Variants in CSMD1 observed in about 807,000 individuals in gnomAD.
CSMD1 encodes CUB and sushi domain-containing protein 1.
CSMD1 carries 213 observed loss-of-function variants against 417.5 expected under a neutral mutation model. The ratio of observed to expected loss-of-function variants is 0.51; its 90% CI spans 0.46 to 0.57. CSMD1 has a LOEUF of 0.57. Ranked by LOEUF, CSMD1 falls within the 20% of genes least tolerant of loss-of-function variation. CSMD1 has a pLI of 0.00. For missense variants in CSMD1, 6,923 were observed against 4,529.7 expected (o/e 1.53, Z -15.17); for synonymous variants, 2,862 against 1,736.8 (o/e 1.65, Z -16.11).
intron 5 of CSMD1, among the ~76,000 whole-genome samples, chr8:3,940,482 T>C (rs1282767296): frequency 8.8e-5 from 13 of 147,546 alleles, no homozygotes; most frequent in Non-Finnish European, 1.9e-4. Flanking sequence ...TTCAGTAAAA[T>C]TTAAATTATT....
At chr8:3,809,161 C>A (rs1177878362) in intron 5 of CSMD1, among the ~76,000 whole-genome samples, 3 of 152,150 alleles carry the variant, frequency 2.0e-5, no homozygotes, top group African/African-American at 4.8e-5. Flanking sequence ...CCAGCCCCCA[C>A]AGACCTCATT....
intron 5 of CSMD1, among the ~76,000 whole-genome samples, chr8:3,813,817 G>C (rs1035976005): frequency 6.6e-6 from 1 of 152,044 alleles, no homozygotes; most frequent in Admixed American, 6.6e-5. Context: ...AAAACTTAAA[G>C]TATGTCTTCT....
intron 1 of CSMD1, among the ~76,000 whole-genome samples, chr8:4,905,750 G>A (rs1334351675): frequency 9.3e-5 from 14 of 150,140 alleles, no homozygotes; most frequent in South Asian, 2.1e-4. Context: ...AAACCGGGAG[G>A]CGGAGCTTGC....
intron 3 of CSMD1, among the ~76,000 whole-genome samples, chr8:4,274,717 C>T (rs184906663): frequency 4.3e-4 from 65 of 152,202 alleles, no homozygotes; most frequent in African/African-American, 1.5e-3. Flanking sequence ...CAACATAATA[C>T]ATAGCATTTC....
chr8:4,211,601 C>G (rs546597080), intron 3 of CSMD1, among the ~76,000 whole-genome samples: 2 of 152,296 alleles, frequency 1.3e-5, no homozygotes, highest in South Asian at 4.1e-4. Flanking sequence ...CAAAAGTCAT[C>G]TCCAAGTTGC....
chr8:3,857,290 G>T (rs971030183), intron 5 of CSMD1, among the ~76,000 whole-genome samples: 2 of 152,100 alleles, frequency 1.3e-5, no homozygotes, highest in African/African-American at 4.8e-5. Context: ...TGGGCCTTTA[G>T]CATTAGGAGG....
At chr8:3,754,312 G>A (rs1017494102) in intron 5 of CSMD1, among the ~76,000 whole-genome samples, 7 of 152,094 alleles carry the variant, frequency 4.6e-5, no homozygotes, top group Non-Finnish European at 7.4e-5. Flanking sequence ...GCAGGAGGAG[G>A]TATTCTTTTG....
At chr8:3,949,566 G>T (rs1279421538) in intron 5 of CSMD1, among the ~76,000 whole-genome samples, 1 of 152,146 alleles carries the variant, frequency 6.6e-6, no homozygotes, top group African/African-American at 2.4e-5. Flanking sequence ...TTATTTTGGG[G>T]TTCTTTTGTG....
chr8:3,079,111 C>G (rs1445146285), intron 49 of CSMD1, among the ~76,000 whole-genome samples: 1 of 152,184 alleles, frequency 6.6e-6, no homozygotes, highest in Non-Finnish European at 1.5e-5. Context: ...AACTGCACTG[C>G]ACAGTACTGT....
chr8:3,095,277 T>C (rs1815219375), intron 47 of CSMD1, among the ~76,000 whole-genome samples: 1 of 152,180 alleles, frequency 6.6e-6, no homozygotes, highest in Non-Finnish European at 1.5e-5. Flanking sequence ...TGAGGTTGGA[T>C]GCTCTACATT....
rs76773841 is a variant in CSMD1, at chr8:4,216,852, C to G, written c.416-184753G>C. ...AAACATGAGGATGGGGTGTCAGACC[C>G]ACACCAGCTTGACAGTCTCCCTTTT... On this transcript the variant is annotated intron_variant, in intron 3 of 69. Coordinates refer to ENST00000635120, the MANE Select transcript of CSMD1 (RefSeq NM_033225.6). 2.6e-3 allele frequency among the ~76,000 whole-genome samples: 391 copies of G among 152,212 alleles called. 3 individuals are homozygous for G. The highest frequency in any genetic ancestry group is 8.8e-3 in the African/African-American group (365 of 41,534).
At chr8:3,807,208 G>A (rs1316524126) in intron 5 of CSMD1, among the ~76,000 whole-genome samples, 3 of 152,128 alleles carry the variant, frequency 2.0e-5, no homozygotes, top group Admixed American at 6.5e-5. Flanking sequence ...TCATGAAGAA[G>A]CCAGGACATT....
chr8:4,495,003 AAAAT>A (rs1271248476), intron 2 of CSMD1, among the ~76,000 whole-genome samples: 2 of 152,152 alleles, frequency 1.3e-5, no homozygotes, highest in African/African-American at 2.4e-5. Flanking sequence ...AAAGAGGGAG[AAAAT>A]AAATAAAAGC....
intron 49 of CSMD1, among the ~76,000 whole-genome samples, chr8:3,064,695 A>G (rs988317769): frequency 6.6e-5 from 10 of 151,988 alleles, no homozygotes; most frequent in African/African-American, 2.4e-4. Context: ...ACATCCCCGC[A>G]TTTTCTCAAA....
intron 3 of CSMD1, among the ~76,000 whole-genome samples, chr8:4,162,189 T>G (rs1411752813): frequency 3.3e-5 from 5 of 152,206 alleles, no homozygotes; most frequent in Admixed American, 2.6e-4. Context: ...AACTTTTCTT[T>G]CCAAAATTAT....
At chr8:3,390,691 G>C (rs1224182700) in intron 17 of CSMD1, among the ~76,000 whole-genome samples, 2 of 151,268 alleles carry the variant, frequency 1.3e-5, no homozygotes, top group Non-Finnish European at 2.9e-5. Context: ...CAAAATAAGT[G>C]ACTGAATACA....
chr8:4,364,410 C>G (rs192876908), intron 3 of CSMD1, among the ~76,000 whole-genome samples: 107 of 152,218 alleles, frequency 7.0e-4, no homozygotes, highest in African/African-American at 2.2e-3. Context: ...CATTATTGCC[C>G]TAGTCCATAC....
At chr8:4,916,210 G>A (rs756970828) in intron 1 of CSMD1, among the ~76,000 whole-genome samples, 2 of 152,176 alleles carry the variant, frequency 1.3e-5, no homozygotes, top group Admixed American at 6.5e-5. Context: ...AGGCAGCTCC[G>A]TAGATGACCA....
At chr8:3,339,276 C>T (rs981021852) in intron 23 of CSMD1, among the ~76,000 whole-genome samples, 3 of 152,080 alleles carry the variant, frequency 2.0e-5, no homozygotes, top group African/African-American at 7.2e-5. Flanking sequence ...TGTAATTCCT[C>T]ATCCATTTTC....
Sources: gnomAD v4.1 joint callset for allele counts (sites outside exome capture counted in the v4.1 genomes callset) on GRCh38, gnomAD v4.1.1 for gene constraint, MANE v1.5 for transcripts, NCBI Gene and HGNC (gene_info 2026-07-23, HGNC 2026-07-21) for gene names.